SVIL: variants seen among roughly 807,000 people sequenced by gnomAD.
The protein encoded by SVIL is supervillin.
SVIL carries 101 observed loss-of-function variants against 240.4 expected under a neutral mutation model. That is an observed-to-expected ratio of 0.42 (90% CI 0.36 to 0.50). The LOEUF (loss-of-function observed/expected upper bound fraction) is 0.50, where lower values mean the gene tolerates loss of function less well. Ranked by LOEUF, SVIL falls within the 20% of genes least tolerant of loss-of-function variation. SVIL has a pLI of 0.01. For missense variants in SVIL, 2,512 were observed against 2,818.7 expected (o/e 0.89, Z 2.46); for synonymous variants, 999 against 1,100.0 (o/e 0.91, Z 1.82).
chr10:29,675,152 G>A (rs1006560960), intron 2 of SVIL, among the ~76,000 whole-genome samples: 12 of 152,248 alleles, frequency 7.9e-5, no homozygotes, highest in Admixed American at 7.8e-4. Context: ...AGGCCAATGA[G>A]CCCAGTCCAC....
chr10:29,688,046 G>A (rs968717031), intron 1 of SVIL, among the ~76,000 whole-genome samples: 1 of 152,100 alleles, frequency 6.6e-6, no homozygotes, highest in Non-Finnish European at 1.5e-5. Flanking sequence ...ACTTTCCCCG[G>A]TAGAAGGGGA....
intron 1 of SVIL, among the ~76,000 whole-genome samples, chr10:29,613,902 C>T (rs1433352669): frequency 1.3e-5 from 2 of 152,042 alleles, no homozygotes; most frequent in Admixed American, 6.5e-5. Context: ...TTCCAAAAGC[C>T]CAACGAACTC....
At chr10:29,691,253 C>A (rs1961478336) in intron 1 of SVIL, among the ~76,000 whole-genome samples, 1 of 151,398 alleles carries the variant, frequency 6.6e-6, no homozygotes, top group Non-Finnish European at 1.5e-5. Flanking sequence ...ACTCTGTCGC[C>A]CAGGCTGGAG....
At chr10:29,668,013 A>C (rs1033262227) in intron 2 of SVIL, among the ~76,000 whole-genome samples, 25 of 152,188 alleles carry the variant, frequency 1.6e-4, no homozygotes, top group African/African-American at 5.8e-4. Flanking sequence ...ACAAGGTTCT[A>C]CAAACCATGT....
intron 1 of SVIL, among the ~76,000 whole-genome samples, chr10:29,579,203 C>T (rs958297292): frequency 7.6e-4 from 115 of 151,806 alleles, no homozygotes; most frequent in Non-Finnish European, 1.2e-3. Flanking sequence ...TTTGGGAGGC[C>T]GAGGCGGGCG....
intron 17 of SVIL, among the ~76,000 whole-genome samples, chr10:29,502,253 G>A (rs1211442989): frequency 9.2e-5 from 14 of 152,064 alleles, no homozygotes; most frequent in Admixed American, 5.2e-4. Context: ...TCAACTTTAC[G>A]TGGCTCTAGA....
chr10:29,551,544 G>A lies in SVIL; in HGVS notation c.161-281C>T, dbSNP rs527628261. Among the ~76,000 whole-genome samples the A allele has an allele frequency of 3.9e-5, 6 of 152,286 alleles. 1 individual carries two copies. The South Asian group carries it at 6.2e-4, about 16-fold the overall frequency. ...GCTCAGCCCCTTCACTCCCCAGAGC[G>A]CCTCAGTCTTTGTTCAGTGCTTATT... On this transcript the variant is annotated intron_variant, in intron 5 of 37. Coordinates refer to ENST00000355867, the MANE Select transcript of SVIL (RefSeq NM_021738.3).
intron 3 of SVIL, chr10:29,643,960 A>C (rs1005575265): frequency 1.9e-6 from 1 of 517,658 alleles, no homozygotes; most frequent in African/African-American, 1.9e-5. Context: ...CCAGAGACCC[A>C]GCCTCTCACA....
intron 28 of SVIL, among the ~76,000 whole-genome samples, chr10:29,481,093 G>A (rs1223505001): frequency 6.7e-6 from 1 of 150,082 alleles, no homozygotes; most frequent in Non-Finnish European, 1.5e-5. Context: ...CCTGTCTGCT[G>A]TTCTACTAGT....
chr10:29,514,216 A>G (rs568425850), intron 16 of SVIL, among the ~76,000 whole-genome samples: 1 of 152,166 alleles, frequency 6.6e-6, no homozygotes, highest in South Asian at 2.1e-4. Flanking sequence ...CATAAATATT[A>G]AATCCATAAA....
intron 2 of SVIL, among the ~76,000 whole-genome samples, chr10:29,660,347 C>G (rs990562120): frequency 3.3e-5 from 5 of 152,142 alleles, no homozygotes; most frequent in Non-Finnish European, 7.4e-5. Context: ...TGGGGTGGCT[C>G]ATACCTATTG....
chr10:29,561,205 C>T (rs773598187), intron 3 of SVIL, among the ~76,000 whole-genome samples: 8 of 152,094 alleles, frequency 5.3e-5, no homozygotes, highest in Non-Finnish European at 1.0e-4. Context: ...CACATAAAAT[C>T]GTCATCTTTG....
chr10:29,568,787 G>A (rs71489687), intron 2 of SVIL, among the ~76,000 whole-genome samples: 8 of 139,690 alleles, frequency 5.7e-5, no homozygotes, highest in Non-Finnish European at 1.1e-4. Context: ...GGGTGGATGG[G>A]TGGATGGATG....
intron 1 of SVIL, among the ~76,000 whole-genome samples, chr10:29,692,299 C>G (rs2132617043): frequency 6.6e-6 from 1 of 152,244 alleles, no homozygotes; most frequent in East Asian, 1.9e-4. Context: ...ATGAACTCTC[C>G]CTGGTTCTGC....
intron 27 of SVIL, 103 bp from the exon 28 acceptor site, chr10:29,481,831 C>A: frequency 4.6e-6 from 5 of 1,080,764 alleles, no homozygotes; most frequent in Non-Finnish European, 6.8e-6. Flanking sequence ...CTGGAAAAAA[C>A]CTCAAAGTAC....
chr10:29,669,162 G>A (rs1959567834), intron 2 of SVIL, among the ~76,000 whole-genome samples: 2 of 152,204 alleles, frequency 1.3e-5, no homozygotes, highest in African/African-American at 4.8e-5. Context: ...TTTAGATAAA[G>A]TGGTCTGTGT....
At chr10:29,585,990 T>C (rs565079595) in intron 1 of SVIL, among the ~76,000 whole-genome samples, 1 of 152,374 alleles carries the variant, frequency 6.6e-6, no homozygotes, top group South Asian at 2.1e-4. Context: ...CCATAACCCA[T>C]AGAACCTGAG....
chr10:29,549,867 T>A (rs1435149616), intron 6 of SVIL, among the ~76,000 whole-genome samples: 2 of 91,840 alleles, frequency 2.2e-5, no homozygotes, highest in African/African-American at 4.5e-5. Context: ...CTCTGGGGAC[T>A]GTTGTGGGGT....
At chr10:29,463,750 A>T in intron 34 of SVIL, 115 bp from the exon 35 acceptor site, 1 of 1,436,822 alleles carries the variant, frequency 7.0e-7, no homozygotes, top group Non-Finnish European at 9.3e-7. Context: ...TCACAGGGGG[A>T]AACCCCCTTG....
Sources: allele counts gnomAD v4.1 joint callset (sites outside exome capture counted in the v4.1 genomes callset), GRCh38; gene constraint gnomAD v4.1.1; transcripts MANE v1.5; gene names NCBI Gene and HGNC (gene_info 2026-07-23, HGNC 2026-07-21).